SLC5A4: variants seen among roughly 807,000 people sequenced by gnomAD.
The protein encoded by SLC5A4 is solute carrier family 5 member 4, also known as probable glucose sensor protein SLC5A4.
A neutral mutation model predicts 70.3 loss-of-function variants in SLC5A4; 55 were observed. The observed-to-expected ratio is 0.78, with a 90% confidence interval of 0.63 to 0.98. The LOEUF (loss-of-function observed/expected upper bound fraction) is 0.98, where lower values mean the gene tolerates loss of function less well. Among genes scored for constraint, SLC5A4 ranks in the 50% least tolerant of loss-of-function variants. The pLI is 0.00. For synonymous variants in SLC5A4, 268 were observed against 305.7 expected (o/e 0.88, Z 1.29); for missense variants, 735 against 839.2 (o/e 0.88, Z 1.53).
the SLC5A4 span, among the ~76,000 whole-genome samples, chr22:32,292,287 TAATA>T: frequency 7.2e-6 from 1 of 139,024 alleles, no homozygotes; most frequent in Non-Finnish European, 1.5e-5. Context: ...ATATTATATA[TAATA>T]TATACTAGAT....
the SLC5A4 span, among the ~76,000 whole-genome samples, chr22:32,332,309 CCA>C: frequency 4.9e-4 from 75 of 152,372 alleles, no homozygotes; most frequent in Middle Eastern, 3.4e-3. Flanking sequence ...ACTTCCTCCC[CCA>C]CACTCATGCC....
At chr22:32,278,225 G>C in the SLC5A4 span, among the ~76,000 whole-genome samples, 1 of 152,190 alleles carries the variant, frequency 6.6e-6, no homozygotes, top group Non-Finnish European at 1.5e-5. Flanking sequence ...AAAATCATTT[G>C]AGCTGTGAAT....
In SLC5A4 at chr22:32,237,902, A is replaced by G. The variant is rs144145504; in HGVS notation, c.584-578T>C. Among the ~76,000 whole-genome samples the G allele has an allele frequency of 4.4e-3, 667 of 151,916 alleles. 8 individuals are homozygous for G. Among genetic ancestry groups the G allele is most frequent in the African/African-American group, 0.015 (640 of 41,404 alleles). On this transcript the variant is annotated intron_variant, in intron 6 of 14. Transcript: ENST00000266086. ...TCCCTTTATGAGAGTGTCATGAGAA[A>G]ATAAGATGAATCCTGAACACAGAAG... is the stretch of plus-strand genomic sequence containing the variant.
chr22:32,272,005 A>G, the SLC5A4 span: 7 of 621,620 alleles, frequency 1.1e-5, no homozygotes, highest in Admixed American at 1.7e-4. Flanking sequence ...ATCCACCCCC[A>G]GGAGGCGGCC....
chr22:32,289,609 C>T, the SLC5A4 span, among the ~76,000 whole-genome samples: 3,803 of 152,340 alleles, frequency 0.025, 72 homozygotes, highest in Middle Eastern at 0.041. Flanking sequence ...GCTGGGATTA[C>T]AGGCGTGTGC....
At chr22:32,328,919 G>C in the SLC5A4 span, among the ~76,000 whole-genome samples, 1 of 152,200 alleles carries the variant, frequency 6.6e-6, no homozygotes, top group Non-Finnish European at 1.5e-5. Context: ...CCAGTGATGG[G>C]GAGCTCCCTG....
At chr22:32,269,918 T>TCAC in the SLC5A4 span, 1 of 544,492 alleles carries the variant, frequency 1.8e-6, no homozygotes, top group African/African-American at 1.9e-5. This position sits in a 1 kb window ranked among gnomAD's most constrained non-coding sequence, Gnocchi z 4.1. Flanking sequence ...ACCAGCGTCC[T>TCAC]CACCACCAGC....
chr22:32,283,866 C>A, the SLC5A4 span, among the ~76,000 whole-genome samples: 1 of 151,902 alleles, frequency 6.6e-6, no homozygotes, highest in Non-Finnish European at 1.5e-5. Flanking sequence ...CTCCAGCACA[C>A]CCCTGAGAAT....
chr22:32,230,979 A>G lies in SLC5A4; in HGVS notation c.1118T>C (p.Leu373Pro). Residue 373 changes from leucine (L) to proline (P), a missense_variant, in exon 10 of 15, where the codon CTG becomes CCG. By Grantham distance (98) the Leu-to-Pro change is moderately conservative. Coordinates refer to ENST00000266086, the MANE Select transcript of SLC5A4 (RefSeq NM_014227.3). ...NYAYPTMVLE[L>P]MPQGLRGLML... ...GGACATTTTCCTACCTTGGGGCATC[A>G]GTTCCAGCACCATCGTGGGGTATGC... 6.2e-7 allele frequency: 1 copy of G among 1,611,662 alleles called. No individual in the cohort carries two copies. The highest frequency in any genetic ancestry group is 8.5e-7 in the Non-Finnish European group (1 of 1,177,718).
chr22:32,326,320 G>A, the SLC5A4 span, among the ~76,000 whole-genome samples: 10 of 149,666 alleles, frequency 6.7e-5, no homozygotes, highest in East Asian at 1.2e-3. Flanking sequence ...GCAATGGCAC[G>A]ATCTTGGCTC....
the SLC5A4 span, among the ~76,000 whole-genome samples, chr22:32,330,116 T>G: frequency 7.8e-6 from 1 of 128,146 alleles, no homozygotes; most frequent in Non-Finnish European, 1.6e-5. Flanking sequence ...GTATGTGTGT[T>G]GGAGGCTCTG....
At position 32,239,108 on chromosome 22, in the gene SLC5A4, A is replaced by G. The variant is rs768221329; in HGVS notation, c.478-18T>C. 2 of 1,584,262 alleles carry G rather than the reference A, an allele frequency of 1.3e-6. No individual in the cohort carries two copies. Among genetic ancestry groups the G allele is most frequent in the African/African-American group, 1.3e-5 (1 of 74,352 alleles). ...ATGTCTGCCTAAAAAGGGAACAGTCAGGATGAGAAAGAAACATGCATTTGA... is the reference window on the plus strand; with the variant it reads ...ATGTCTGCCTAAAAAGGGAACAGTCGGGATGAGAAAGAAACATGCATTTGA... On this transcript the variant is annotated intron_variant, in intron 5 of 14. Transcript: ENST00000266086.
chr22:32,244,573 C>T (rs1386289186), intron 5 of SLC5A4, among the ~76,000 whole-genome samples: 2 of 152,192 alleles, frequency 1.3e-5, no homozygotes, highest in African/African-American at 4.8e-5. Context: ...CTCCAGGTCA[C>T]TCACGCTGTG....
the SLC5A4 span, among the ~76,000 whole-genome samples, chr22:32,301,050 C>T: frequency 6.6e-6 from 1 of 152,118 alleles, no homozygotes; most frequent in East Asian, 1.9e-4. Flanking sequence ...GCAGCCTCCA[C>T]CTCCCAGGTT....
At chr22:32,235,490 C>T (rs551721213) in intron 7 of SLC5A4, among the ~76,000 whole-genome samples, 130 of 152,254 alleles carry the variant, frequency 8.5e-4, no homozygotes, top group Non-Finnish European at 1.5e-3. Context: ...CCCAGCTCCT[C>T]TGAAAAAGAT....
At chr22:32,270,913 C>A in the SLC5A4 span, 1 of 570,116 alleles carries the variant, frequency 1.8e-6, no homozygotes, top group Non-Finnish European at 3.3e-6. Flanking sequence ...TGTACCGAGA[C>A]CTCAGTGGCA....
At position 32,239,077 on chromosome 22, in the gene SLC5A4, G is replaced by A; in HGVS notation, c.491C>T (p.Ala164Val). ...GGCCAGCTTGATGAATATGGCTCCA[G>A]CAAATATGTCTGCCTAAAAAGGGAA... is the stretch of plus-strand genomic sequence containing the variant. ...VVLLISADIF[A>V]GAIFIKLALG... is the part of the protein sequence containing the mutation. Residue 164 changes from alanine (A) to valine (V), a missense_variant, in exon 6 of 15, where the codon GCT becomes GTT. By Grantham distance (64) the Ala-to-Val change is moderately conservative. Transcript: ENST00000266086. 6.2e-7 allele frequency: 1 copy of A among 1,613,370 alleles called. No individual in the cohort carries two copies. The highest frequency in any genetic ancestry group is 8.5e-7 in the Non-Finnish European group (1 of 1,179,360).
At chr22:32,287,535 T>A in the SLC5A4 span, among the ~76,000 whole-genome samples, 1 of 152,086 alleles carries the variant, frequency 6.6e-6, no homozygotes, top group Non-Finnish European at 1.5e-5. Context: ...GCAAGTAATA[T>A]GTCTCTTCTA....
chr22:32,275,228 TA>T, the SLC5A4 span, among the ~76,000 whole-genome samples: 38 of 152,354 alleles, frequency 2.5e-4, 1 homozygote, highest in African/African-American at 8.7e-4. Context: ...TTTTTAACTT[TA>T]TTTTTTTATT....
Sources: gnomAD v4.1 joint callset for allele counts (sites outside exome capture counted in the v4.1 genomes callset) on GRCh38, gnomAD v4.1.1 for gene constraint, Gnocchi (gnomAD v3.1) non-coding constraint, MANE v1.5 for transcripts, NCBI Gene and HGNC (gene_info 2026-07-23, HGNC 2026-07-21) for gene names.